Variants in RBFOX1 observed in about 807,000 individuals in gnomAD.
The protein encoded by RBFOX1 is RNA binding protein fox-1 homolog 1.
RBFOX1 carries 8 observed loss-of-function variants against 57.7 expected under a neutral mutation model. That is an observed-to-expected ratio of 0.14 (90% CI 0.08 to 0.25). The LOEUF (loss-of-function observed/expected upper bound fraction) is 0.25. Among genes scored for constraint, RBFOX1 ranks in the 10% least tolerant of loss-of-function variants. The probability of loss-of-function intolerance (pLI) is 1.00; values close to 1 mark genes in which losing one functional copy is unlikely to be tolerated. For missense variants in RBFOX1, 611 were observed against 548.5 expected, an observed-to-expected ratio of 1.11 and a Z score of -1.14; for synonymous variants, 326 against 222.4, an observed-to-expected ratio of 1.47 and a Z score of -4.15.
At position 5,395,111 on chromosome 16, in the gene RBFOX1, T is replaced by G. The variant is rs368178001; in HGVS notation, c.220-72105T>G. Among the ~76,000 whole-genome samples the G allele has an allele frequency of 5.1e-4, 77 of 152,266 alleles. 1 individual carries two copies. Among genetic ancestry groups the G allele is most frequent in the African/African-American group, 1.7e-3 (72 of 41,548 alleles). On this transcript the variant is annotated intron_variant, in intron 1 of 2. Coordinates refer to the RBFOX1 transcript ENST00000585867. Reference sequence around the variant, plus strand: ...GTTTGCCAAGCATGGTTCGTTTTCTTTAGGTTTCAGCCACAGGGAACTACC... The same window carrying G: ...GTTTGCCAAGCATGGTTCGTTTTCTGTAGGTTTCAGCCACAGGGAACTACC...
chr16:6,829,228 G>C (rs2092491218), intron 3 of RBFOX1, among the ~76,000 whole-genome samples: 2 of 142,784 alleles, frequency 1.4e-5, no homozygotes, highest in South Asian at 4.5e-4. Flanking sequence ...TTTAAAGGAA[G>C]TTAATGAAAT....
chr16:6,125,450 C>G (rs1332380235), intron 1 of RBFOX1, among the ~76,000 whole-genome samples: 1 of 152,164 alleles, frequency 6.6e-6, no homozygotes, highest in Non-Finnish European at 1.5e-5. Context: ...ATGGCTAGGC[C>G]TTCCAAGAGT....
At chr16:5,556,135 G>C (rs1339037139) in intron 2 of RBFOX1, among the ~76,000 whole-genome samples, 1 of 152,210 alleles carries the variant, frequency 6.6e-6, no homozygotes, top group East Asian at 1.9e-4. Flanking sequence ...TTTATATTGA[G>C]GAAATATGAA....
intron 2 of RBFOX1, among the ~76,000 whole-genome samples, chr16:6,629,400 A>G (rs997462043): frequency 6.6e-6 from 1 of 152,234 alleles, no homozygotes; most frequent in South Asian, 2.1e-4. Context: ...GAGAGTACCA[A>G]CAGCTACAAT....
At chr16:5,902,682 C>T (rs187928567) in intron 4 of RBFOX1, among the ~76,000 whole-genome samples, 99 of 152,266 alleles carry the variant, frequency 6.5e-4, no homozygotes, top group African/African-American at 2.3e-3. Context: ...TCCCAAAGTC[C>T]TGGGATTACA....
At chr16:5,861,926 G>T (rs1228000662) in intron 3 of RBFOX1, among the ~76,000 whole-genome samples, 9 of 152,160 alleles carry the variant, frequency 5.9e-5, no homozygotes, top group South Asian at 2.1e-4. Context: ...CCTGTGGGGG[G>T]AATGGAGGAG....
intron 2 of RBFOX1, among the ~76,000 whole-genome samples, chr16:6,377,626 C>T (rs1238835474): frequency 6.6e-6 from 1 of 152,158 alleles, no homozygotes; most frequent in Non-Finnish European, 1.5e-5. Flanking sequence ...AAAAATCCTC[C>T]AAGCGCCTCA....
intron 4 of RBFOX1, among the ~76,000 whole-genome samples, chr16:7,209,375 G>T (rs2090659421): frequency 6.6e-6 from 1 of 152,052 alleles, no homozygotes; most frequent in Non-Finnish European, 1.5e-5. Flanking sequence ...TTTCTTATAA[G>T]GACACCAGTT....
intron 3 of RBFOX1, among the ~76,000 whole-genome samples, chr16:6,855,157 T>C (rs1353064519): frequency 6.6e-6 from 1 of 152,066 alleles, no homozygotes; most frequent in Non-Finnish European, 1.5e-5. Context: ...AGTGTGTAGC[T>C]ATACGTGTTC....
At chr16:7,414,115 AT>A (rs2149181410) in intron 4 of RBFOX1, among the ~76,000 whole-genome samples, 1 of 152,344 alleles carries the variant, frequency 6.6e-6, no homozygotes, top group South Asian at 2.1e-4. Context: ...GAAAATCCCA[AT>A]TCAAGGGGTC....
intron 3 of RBFOX1, among the ~76,000 whole-genome samples, chr16:7,029,357 G>T (rs2042201637): frequency 6.7e-6 from 1 of 149,720 alleles, no homozygotes. Context: ...AAGCTCTTTG[G>T]CCCTGATAGA....
intron 1 of RBFOX1, among the ~76,000 whole-genome samples, chr16:6,196,224 A>G (rs1211107140): frequency 1.3e-5 from 2 of 152,180 alleles, no homozygotes; most frequent in Non-Finnish European, 2.9e-5. Flanking sequence ...TAACAAAGCT[A>G]CCAGGAGTTT....
At chr16:5,677,600 A>G (rs772689149) in intron 3 of RBFOX1, among the ~76,000 whole-genome samples, 3 of 152,206 alleles carry the variant, frequency 2.0e-5, no homozygotes, top group Non-Finnish European at 4.4e-5. Context: ...CACTAGATTA[A>G]CTTCTATGGA....
chr16:7,042,375 C>A (rs1247175262), intron 3 of RBFOX1, among the ~76,000 whole-genome samples: 2 of 152,182 alleles, frequency 1.3e-5, no homozygotes, highest in African/African-American at 4.8e-5. Flanking sequence ...GAAACCTAGT[C>A]AACCCATCCA....
intron 2 of RBFOX1, among the ~76,000 whole-genome samples, chr16:6,592,162 C>G (rs1042769668): frequency 6.6e-6 from 1 of 152,184 alleles, no homozygotes. Context: ...TCTTTTCTTT[C>G]TGTCCCTCCT....
intron 2 of RBFOX1, among the ~76,000 whole-genome samples, chr16:6,349,356 T>C (rs1050155491): frequency 2.0e-5 from 3 of 152,222 alleles, no homozygotes; most frequent in African/African-American, 7.2e-5. Flanking sequence ...GTGCAAGCCA[T>C]GTTTACCATC....
intron 3 of RBFOX1, among the ~76,000 whole-genome samples, chr16:6,860,486 C>G (rs571951196): frequency 6.6e-6 from 1 of 152,174 alleles, no homozygotes; most frequent in Non-Finnish European, 1.5e-5. Flanking sequence ...TATTGATGCA[C>G]CTGCTTTGGC....
At chr16:7,274,386 AGAG>A (rs1345600712) in intron 4 of RBFOX1, among the ~76,000 whole-genome samples, 1 of 152,182 alleles carries the variant, frequency 6.6e-6, no homozygotes, top group Admixed American at 6.6e-5. Context: ...ACAATAAAGA[AGAG>A]ATGAAACTGT....
intron 2 of RBFOX1, among the ~76,000 whole-genome samples, chr16:6,507,264 C>T (rs1598460560): frequency 6.6e-6 from 1 of 152,064 alleles, no homozygotes; most frequent in South Asian, 2.1e-4. Flanking sequence ...ATCAACTATA[C>T]ACCCATTTTC....
Sources: gnomAD v4.1 joint callset for allele counts (sites outside exome capture counted in the v4.1 genomes callset) on GRCh38, gnomAD v4.1.1 for gene constraint, MANE v1.5 for transcripts, NCBI Gene and HGNC (gene_info 2026-07-23, HGNC 2026-07-21) for gene names.